The following NPAS3 variants were observed in gnomAD, a reference collection of about 807,000 sequenced individuals.
NPAS3 encodes the protein neuronal PAS domain-containing protein 3.
NPAS3 carries 14 observed loss-of-function variants against 73.1 expected under a neutral mutation model. The ratio of observed to expected loss-of-function variants is 0.19; its 90% confidence interval spans 0.13 to 0.30. The LOEUF is 0.30. Among genes scored for constraint, NPAS3 ranks in the 10% least tolerant of loss-of-function variants. The pLI is 1.00. For synonymous variants in NPAS3, 620 were observed against 541.5 expected, an observed-to-expected ratio of 1.14 and a Z score of -2.01; for missense variants, 1,096 against 1,250.0, an observed-to-expected ratio of 0.88 and a Z score of 1.86.
chr14:33,588,268 G>A (rs1412317734), intron 5 of NPAS3, among the ~76,000 whole-genome samples: 1 of 152,158 alleles, frequency 6.6e-6, no homozygotes, highest in Non-Finnish European at 1.5e-5. Flanking sequence ...CTGAAAGCAG[G>A]TGTGATATGA....
intron 2 of NPAS3, among the ~76,000 whole-genome samples, chr14:33,134,563 C>T (rs2139130235): frequency 6.6e-6 from 1 of 152,202 alleles, no homozygotes; most frequent in South Asian, 2.1e-4. Flanking sequence ...GAGAGATTTT[C>T]CATTTTATCC....
chr14:33,025,585 T>G (rs1043268753), intron 1 of NPAS3, among the ~76,000 whole-genome samples: 6 of 152,182 alleles, frequency 3.9e-5, no homozygotes, highest in Non-Finnish European at 5.9e-5. Flanking sequence ...CCAAATCTCA[T>G]GTTGAATTGT....
At chr14:33,093,768 A>C (rs1055982245) in intron 2 of NPAS3, among the ~76,000 whole-genome samples, 2 of 152,178 alleles carry the variant, frequency 1.3e-5, no homozygotes, top group African/African-American at 4.8e-5. Context: ...GCACATATAC[A>C]CCATGGAATA....
chr14:33,587,149 G>A (rs905973709), intron 5 of NPAS3, among the ~76,000 whole-genome samples: 1 of 152,004 alleles, frequency 6.6e-6, no homozygotes, highest in South Asian at 2.1e-4. Context: ...CTATTTTTGT[G>A]CCCTTTATTC....
chr14:32,964,239 G>A (rs2037056145), intron 1 of NPAS3, among the ~76,000 whole-genome samples: 1 of 148,914 alleles, frequency 6.7e-6, no homozygotes, highest in African/African-American at 2.5e-5. Context: ...TCTGTGCTAA[G>A]AGTGTTTTTT....
chr14:33,180,474 C>A (rs981247876), intron 2 of NPAS3, among the ~76,000 whole-genome samples: 3 of 152,052 alleles, frequency 2.0e-5, no homozygotes, highest in African/African-American at 7.2e-5. Context: ...CTTAATGTTG[C>A]AAATAATCGT....
intron 1 of NPAS3, among the ~76,000 whole-genome samples, chr14:32,989,706 T>C (rs1010862357): frequency 1.3e-5 from 2 of 152,126 alleles, no homozygotes; most frequent in African/African-American, 4.8e-5. Flanking sequence ...TTCTATGCAA[T>C]GAATTTTGAC....
intron 3 of NPAS3, among the ~76,000 whole-genome samples, chr14:33,246,734 T>C (rs528485148): frequency 6.7e-6 from 1 of 150,122 alleles, no homozygotes; most frequent in South Asian, 2.1e-4. Flanking sequence ...GGCTCAGGTC[T>C]GTAATCCCAG....
At chr14:32,963,017 C>T (rs2036999199) in intron 1 of NPAS3, among the ~76,000 whole-genome samples, 1 of 151,746 alleles carries the variant, frequency 6.6e-6, no homozygotes, top group Admixed American at 6.6e-5. Flanking sequence ...ATTCAAGATC[C>T]CTTCATCTCC....
intron 5 of NPAS3, 124 bp from the exon 6 acceptor site, chr14:33,676,074 TGAAGACAGAACCA>T: frequency 1.3e-6 from 1 of 785,952 alleles, no homozygotes; most frequent in Non-Finnish European, 2.0e-6. Context: ...TATTTGAAGA[TGAAGACAGAACCA>T]GGATTGTTTC....
intron 2 of NPAS3, among the ~76,000 whole-genome samples, chr14:33,170,128 C>A (rs2045334051): frequency 6.6e-6 from 1 of 152,134 alleles, no homozygotes; most frequent in Admixed American, 6.5e-5. Context: ...CTGAGAGTTA[C>A]AGGCATACCT....
chr14:33,744,393 A>G (rs1477469561), intron 7 of NPAS3, among the ~76,000 whole-genome samples: 2 of 152,194 alleles, frequency 1.3e-5, no homozygotes, highest in Non-Finnish European at 2.9e-5. Flanking sequence ...TTATCAATTA[A>G]GTTCACCTCT....
Position 33,422,913 on chromosome 14 carries a change from G to T in NPAS3, c.468+55645G>T, listed in dbSNP as rs566516321. On this transcript the variant is annotated intron_variant, in intron 4 of 11. Transcript: ENST00000356141. ...TTTTAAAATTCAGTTGAATGAATTT[G>T]TCTTCTTCCTCTGATTAAGAGCCCC... is the stretch of plus-strand genomic sequence containing the variant. Among the ~76,000 whole-genome samples the T allele has an allele frequency of 1.0e-3, 158 of 152,092 alleles. 2 individuals are homozygous for T. In the South Asian group the frequency reaches 0.03, roughly 29 times the overall value.
At chr14:33,314,493 T>A (rs2043130428) in intron 3 of NPAS3, among the ~76,000 whole-genome samples, 1 of 152,024 alleles carries the variant, frequency 6.6e-6, no homozygotes, top group African/African-American at 2.4e-5. Flanking sequence ...ATGAAGGACC[T>A]GACACATGGT....
In NPAS3 at chr14:33,655,856, G is replaced by T. The variant is rs75711283; in HGVS notation, c.559-20355G>T. Among the ~76,000 whole-genome samples, 562 of 152,114 alleles carry T rather than the reference G, an allele frequency of 3.7e-3. 6 individuals are homozygous for T. Among genetic ancestry groups the T allele is most frequent in the Middle Eastern group, 6.8e-3 (2 of 294 alleles). On this transcript the variant is annotated intron_variant, in intron 5 of 11. Transcript: ENST00000356141. Reference sequence around the variant, plus strand: ...ATAGTCTCAAAAAACCACAAAGTTGGGTAAAAGTCATACCGTTTGCATCAA... The same window carrying T: ...ATAGTCTCAAAAAACCACAAAGTTGTGTAAAAGTCATACCGTTTGCATCAA...
chr14:32,986,386 G>A (rs1279207), intron 1 of NPAS3, among the ~76,000 whole-genome samples: 415 of 152,208 alleles, frequency 2.7e-3, no homozygotes, highest in Non-Finnish European at 4.7e-3. Flanking sequence ...TCCTTCCAAG[G>A]AACCATGGAC....
At chr14:33,604,001 C>A (rs2057478280) in intron 5 of NPAS3, among the ~76,000 whole-genome samples, 1 of 150,814 alleles carries the variant, frequency 6.6e-6, no homozygotes, top group Non-Finnish European at 1.5e-5. Flanking sequence ...TAATATGAGC[C>A]CTAAAACAAC....
intron 6 of NPAS3, among the ~76,000 whole-genome samples, chr14:33,727,136 G>A (rs2061289236): frequency 6.6e-6 from 1 of 152,154 alleles, no homozygotes; most frequent in African/African-American, 2.4e-5. Flanking sequence ...GCCTGAGATG[G>A]AGATTTGGCC....
At chr14:33,136,121 C>T (rs955722618) in intron 2 of NPAS3, among the ~76,000 whole-genome samples, 5 of 143,048 alleles carry the variant, frequency 3.5e-5, no homozygotes, top group South Asian at 2.2e-4. Context: ...AGTGTGGTAG[C>T]GCGATCTTGG....
Sources: gnomAD v4.1 joint callset for allele counts (sites outside exome capture counted in the v4.1 genomes callset) on GRCh38, gnomAD v4.1.1 for gene constraint, MANE v1.5 for transcripts, NCBI Gene and HGNC (gene_info 2026-07-23, HGNC 2026-07-21) for gene names.